HABP2: variants seen among roughly 807,000 people sequenced by gnomAD.
HABP2 encodes factor VII-activating protease.
Under a neutral mutation model 66.5 loss-of-function variants are expected in HABP2, and 65 were observed. The observed-to-expected ratio is 0.98, with a 90% CI of 0.80 to 1.20. HABP2 has a LOEUF of 1.20. Among genes scored for constraint, HABP2 ranks in the 50% most tolerant of loss-of-function variants. The pLI is 0.00. For synonymous variants in HABP2, 263 were observed against 253.9 expected, an observed-to-expected ratio of 1.04 and a Z score of -0.34; for missense variants, 786 against 691.0, an observed-to-expected ratio of 1.14 and a Z score of -1.54.
At chr10:113,583,112 G>T in intron 9 of HABP2, 104 bp from the exon 10 acceptor site, 2 of 907,058 alleles carry the variant, frequency 2.2e-6, no homozygotes, top group South Asian at 1.6e-5. Flanking sequence ...AGTGAGACGA[G>T]GGTTACAAAT....
chr10:113,576,030 C>T, intron 4 of HABP2, 26 bp downstream of exon 4: 1 of 1,201,014 alleles, frequency 8.3e-7, no homozygotes, highest in Non-Finnish European at 1.2e-6. Flanking sequence ...CTAGTCCACT[C>T]TTCCCTCTGA....
At position 113,588,375 on chromosome 10, in the gene HABP2, T is replaced by C. The variant is rs764603889; in HGVS notation, c.*6T>C. ...AAAGTGAAAGTGGCTTCTAAGGTAC[T>C]GTCTTCTGGACCTCAGAGCCCACTC... On this transcript the variant is annotated 3_prime_UTR_variant, in exon 13 of 13. Coordinates refer to ENST00000351270, the MANE Select transcript of HABP2 (RefSeq NM_004132.5). 5 of 1,607,392 alleles carry C rather than the reference T, an allele frequency of 3.1e-6. No individual in the cohort carries two copies. The highest frequency in any genetic ancestry group is 1.7e-6 in the Non-Finnish European group (2 of 1,176,272).
intron 1 of HABP2, among the ~76,000 whole-genome samples, chr10:113,559,529 T>G (rs1411025708): frequency 1.3e-5 from 2 of 152,170 alleles, no homozygotes; most frequent in East Asian, 3.9e-4. Flanking sequence ...GAGAGCTTGG[T>G]ATAACCAAAG....
In HABP2 at chr10:113,574,317, C is replaced by A; in HGVS notation, c.135C>A (p.Ser45Arg). Residue 45 changes from serine (S) to arginine (R), a missense_variant, in exon 3 of 13, where the codon AGC becomes AGA. Ser to Arg is a moderately radical substitution (Grantham distance 110, BLOSUM62 -1). Transcript: ENST00000351270. ...PDWTPDQYDY[S>R]YEDYNQEENT... is the part of the protein sequence containing the mutation. ...GGACCCCTGACCAGTATGATTACAG[C>A]TACGAGGATTATAATCAGGAAGAGA... is the stretch of plus-strand genomic sequence containing the variant. 6.2e-7 allele frequency: 1 copy of A among 1,601,496 alleles called. No individual in the cohort carries two copies. Among genetic ancestry groups the A allele is most frequent in the Non-Finnish European group, 8.6e-7 (1 of 1,168,378 alleles).
chr10:113,588,496 A>G lies in HABP2; in HGVS notation c.*127A>G, dbSNP rs928618997. The stretch of plus-strand genomic sequence containing the variant: ...ACAGTAGACTATCCCTACTCTAAGC[A>G]GAGACAACTGCCACCCAGCCTGGGC... On this transcript the variant is annotated 3_prime_UTR_variant, in exon 13 of 13. Transcript: ENST00000351270. The G allele has an allele frequency of 1.5e-5, 10 of 663,334 alleles. No individual in the cohort carries two copies. The highest frequency in any genetic ancestry group is 9.2e-5 in the Admixed American group (3 of 32,496). The allele number at this position is 663,334 out of a possible 1,614,324, so 41.1% of individuals were successfully genotyped here. A position where few individuals can be genotyped will look rare whatever the true frequency, so the allele number is the denominator to read the frequency against.
chr10:113,572,343 G>C (rs1044287854), intron 2 of HABP2, among the ~76,000 whole-genome samples: 1 of 152,154 alleles, frequency 6.6e-6, no homozygotes, highest in African/African-American at 2.4e-5. Flanking sequence ...ATCTACATCA[G>C]AATCTTCCCC....
At chr10:113,564,473 T>G (rs1392320723) in intron 1 of HABP2, among the ~76,000 whole-genome samples, 1 of 151,972 alleles carries the variant, frequency 6.6e-6, no homozygotes, top group Non-Finnish European at 1.5e-5. Flanking sequence ...GCCTCCCCAC[T>G]GCCAACCCCC....
chr10:113,573,914 C>T (rs989700679), intron 2 of HABP2, among the ~76,000 whole-genome samples: 1 of 152,176 alleles, frequency 6.6e-6, no homozygotes, highest in African/African-American at 2.4e-5. Context: ...ATGTAGGACC[C>T]TGTAGACGTG....
Position 113,578,017 on chromosome 10 carries a change from T to C in HABP2, c.449-9T>C, listed in dbSNP as rs1328774275. On this transcript the variant is annotated splice_polypyrimidine_tract_variant and intron_variant, in intron 5 of 12. Transcript: ENST00000351270. ...AAGAGCCTTCCTGGCCCCATTCCTG[T>C]GTTCACAGTGGTTCCTGTATGCAGG... 9 of 1,613,670 alleles carry C rather than the reference T, an allele frequency of 5.6e-6. No homozygotes were observed. The highest frequency in any genetic ancestry group is 1.3e-5 in the African/African-American group (1 of 74,922).
At chr10:113,568,959 G>A (rs193024395) in intron 2 of HABP2, among the ~76,000 whole-genome samples, 23 of 152,320 alleles carry the variant, frequency 1.5e-4, no homozygotes, top group Admixed American at 1.2e-3. Context: ...TGTAAGCAGT[G>A]GCCCTACTGA....
chr10:113,584,307 T>C, intron 11 of HABP2, 25 bp downstream of exon 11: 2 of 1,608,596 alleles, frequency 1.2e-6, no homozygotes, highest in Non-Finnish European at 1.7e-6. Context: ...CACTCTCCCA[T>C]GACTTAGGTG....
At chr10:113,559,102 G>T (rs1029333077) in intron 1 of HABP2, among the ~76,000 whole-genome samples, 1 of 152,130 alleles carries the variant, frequency 6.6e-6, no homozygotes, top group African/African-American at 2.4e-5. Context: ...TGATCCACCC[G>T]CCCTGGCCTC....
At chr10:113,585,658 GC>G (rs1845619505) in intron 11 of HABP2, 134 bp from the exon 12 acceptor site, 1 of 678,896 alleles carries the variant, frequency 1.5e-6, no homozygotes, top group Non-Finnish European at 2.6e-6. Context: ...AGGCTTTTCT[GC>G]CCATATCCTG....
intron 1 of HABP2, 104 bp downstream of exon 1, chr10:113,553,294 G>C: frequency 1.2e-6 from 1 of 846,024 alleles, no homozygotes; most frequent in Non-Finnish European, 2.0e-6. Flanking sequence ...AAAGGCTGGA[G>C]TTGCCAAGTT....
intron 1 of HABP2, among the ~76,000 whole-genome samples, chr10:113,560,229 G>A (rs10787490): frequency 0.36 from 54,875 of 152,118 alleles, 10,585 homozygotes; most frequent in East Asian, 0.61. Flanking sequence ...GTCTTGAGAC[G>A]GCATTGAGCA....
At chr10:113,577,123 A>C (rs1477473449) in intron 4 of HABP2, 27 bp from the exon 5 acceptor site, 1 of 1,249,808 alleles carries the variant, frequency 8.0e-7, no homozygotes, top group Non-Finnish European at 1.2e-6. Flanking sequence ...GCCCCAAATA[A>C]TGTCTTATGT....
chr10:113,577,007 T>A (rs1845423813), intron 4 of HABP2, 143 bp from the exon 5 acceptor site: 8 of 639,198 alleles, frequency 1.3e-5, no homozygotes, highest in Non-Finnish European at 2.3e-5. Context: ...AGAAGCCTTG[T>A]CCTGGCATAG....
chr10:113,588,129 C>G lies in HABP2; in HGVS notation c.1519-76C>G, dbSNP rs3781375. 37 of 1,260,576 alleles carry G rather than the reference C, an allele frequency of 2.9e-5. No homozygotes were observed. In the East Asian group the frequency reaches 3.3e-4, roughly 11 times the overall value. The allele number at this position is 1,260,576 out of a possible 1,614,324, so 78.1% of individuals were successfully genotyped here. A position where few individuals can be genotyped will look rare whatever the true frequency, so the allele number is the denominator to read the frequency against. On this transcript the variant is annotated intron_variant, in intron 12 of 12. Transcript: ENST00000351270. Reference sequence around the variant, plus strand: ...GACTCCACCCCATCCCTCCCTGACACCCCCTGGAGAGAGGTGGGGGCATCT... The same window carrying G: ...GACTCCACCCCATCCCTCCCTGACAGCCCCTGGAGAGAGGTGGGGGCATCT...
chr10:113,587,622 T>C (rs971992864), intron 12 of HABP2, among the ~76,000 whole-genome samples: 1 of 152,206 alleles, frequency 6.6e-6, no homozygotes, highest in Non-Finnish European at 1.5e-5. Flanking sequence ...ACCCTCAATG[T>C]CTTCTTCTCC....
Sources: allele counts gnomAD v4.1 joint callset (sites outside exome capture counted in the v4.1 genomes callset), GRCh38; gene constraint gnomAD v4.1.1; transcripts MANE v1.5; gene names NCBI Gene and HGNC (gene_info 2026-07-23, HGNC 2026-07-21).